SLC26A5: variants seen among roughly 807,000 people sequenced by gnomAD.
The protein encoded by SLC26A5 is solute carrier family 26 member 5, also known as prestin.
In SLC26A5, 51 loss-of-function variants were observed where a neutral mutation model predicts 81.0. The ratio of observed to expected loss-of-function variants is 0.63; its 90% confidence interval spans 0.50 to 0.80. SLC26A5 has a LOEUF of 0.80. Ranked by LOEUF, SLC26A5 falls within the 30% of genes least tolerant of loss-of-function variation. The pLI is 0.00. For missense variants in SLC26A5, 771 were observed against 905.8 expected (o/e 0.85, Z 1.91); for synonymous variants, 325 against 332.8 (o/e 0.98, Z 0.25).
intron 19 of SLC26A5, chr7:103,366,176 C>G (rs760231306): frequency 2.5e-6 from 4 of 1,586,462 alleles, no homozygotes; most frequent in East Asian, 4.5e-5. Context: ...GAGAATGATA[C>G]GTTAGAGAAC....
chr7:103,421,293 T>C, intron 3 of SLC26A5, 70 bp downstream of exon 3: 1 of 1,540,338 alleles, frequency 6.5e-7, no homozygotes, highest in Non-Finnish European at 8.9e-7. Context: ...AGATTTTCTT[T>C]ACACATTTGA....
At chr7:103,364,451 C>T (rs1013171802) in intron 19 of SLC26A5, 1 of 890,700 alleles carries the variant, frequency 1.1e-6, no homozygotes, top group Non-Finnish European at 1.7e-6. Context: ...TTGTGTTGCC[C>T]AGGCTGGAGT....
intron 8 of SLC26A5, among the ~76,000 whole-genome samples, chr7:103,398,759 C>T (rs915066614): frequency 6.6e-6 from 1 of 152,058 alleles, no homozygotes; most frequent in African/African-American, 2.4e-5. Flanking sequence ...TAGAGCTGGC[C>T]AGGGAAGGAA....
chr7:103,393,161 T>C (rs1164904780), intron 9 of SLC26A5, 95 bp from the exon 10 acceptor site: 3 of 1,450,032 alleles, frequency 2.1e-6, no homozygotes, highest in Non-Finnish European at 1.9e-6. Context: ...GGGGGCATTA[T>C]CTGCAAATGA....
At position 103,374,597 on chromosome 7, in the gene SLC26A5, TA is replaced by T. The variant is rs754319291; in HGVS notation, c.2042-6del. On this transcript the variant is annotated splice_polypyrimidine_tract_variant and splice_region_variant and intron_variant, in intron 19 of 19. Coordinates refer to ENST00000306312, the MANE Select transcript of SLC26A5 (RefSeq NM_198999.3). Reference sequence around the variant, plus strand: ...TGAGGTCATTCACAACTTGTGCTATTAAAAGAAGAAAAGAAAATTAGTCCAC... The same window carrying T: ...TGAGGTCATTCACAACTTGTGCTATTAAAGAAGAAAAGAAAATTAGTCCAC... 6.2e-7 allele frequency: 1 copy of T among 1,613,336 alleles called. No homozygotes were observed. The highest frequency in any genetic ancestry group is 1.1e-5 in the South Asian group (1 of 91,016).
chr7:103,379,206 T>C, intron 16 of SLC26A5, 37 bp downstream of exon 16: 1 of 1,452,008 alleles, frequency 6.9e-7, no homozygotes, highest in Non-Finnish European at 9.7e-7. Flanking sequence ...AACCCACAAA[T>C]CCCATCCTCA....
At chr7:103,369,546 C>A (rs1406110406), downstream of SLC26A5, among the ~76,000 whole-genome samples, 1 of 152,210 alleles carries the variant, frequency 6.6e-6, no homozygotes, top group East Asian at 1.9e-4. Context: ...TAATCGGCCA[C>A]ACATCAAATG....
rs56373660 is a variant in SLC26A5 at position 103,389,473 on chromosome 7, G to A, written c.1312-49C>T. 0.083 allele frequency: 112,515 copies of A among 1,361,026 alleles called. 5,155 individuals are homozygous for A. Among genetic ancestry groups the A allele is most frequent in the Admixed American group, 0.16 (9,583 of 59,366 alleles). The allele number at this position is 1,361,026 out of a possible 1,614,324, so 84.3% of individuals were successfully genotyped here. A position where few individuals can be genotyped will look rare whatever the true frequency, so the allele number is the denominator to read the frequency against. On this transcript the variant is annotated intron_variant, in intron 12 of 19. Transcript: ENST00000306312. Reference sequence around the variant, plus strand: ...GCCTCTCCTCTTGTGTCCACAGAGTGTCCTTTGCTGGTTCCTCACTGTCCT... The same window carrying A: ...GCCTCTCCTCTTGTGTCCACAGAGTATCCTTTGCTGGTTCCTCACTGTCCT...
intron 2 of SLC26A5, among the ~76,000 whole-genome samples, chr7:103,441,107 G>A (rs570402994): frequency 9.1e-4 from 138 of 152,292 alleles, no homozygotes; most frequent in African/African-American, 3.0e-3. Context: ...GCAGAGATAA[G>A]ACTAATCGAG....
At position 103,392,904 on chromosome 7, in the gene SLC26A5, A is replaced by C. The variant is rs773175772; in HGVS notation, c.1119+15T>G. The C allele has an allele frequency of 1.9e-6, 3 of 1,613,820 alleles. No homozygotes were observed. The African/African-American group carries it at 4.0e-5, about 22-fold the overall frequency. On this transcript the variant is annotated intron_variant, in intron 10 of 19. Transcript: ENST00000306312. Reference sequence around the variant, plus strand: ...TACTGCTATGAAACATGTGCAGGAAACTGATTATCTTTACCTGATTGCCGT... The same window carrying C: ...TACTGCTATGAAACATGTGCAGGAACCTGATTATCTTTACCTGATTGCCGT...
At chr7:103,352,970 A>C in intron 19 of SLC26A5, 1 of 780,500 alleles carries the variant, frequency 1.3e-6, no homozygotes. Flanking sequence ...TTGTGAACTT[A>C]AATTTTTTAC....
At chr7:103,361,000 G>C (rs1820357216) in intron 19 of SLC26A5, among the ~76,000 whole-genome samples, 1 of 152,084 alleles carries the variant, frequency 6.6e-6, no homozygotes. Flanking sequence ...TGTAATGCCA[G>C]CTACTTGGGA....
At chr7:103,376,944 T>C (rs1294287334) in intron 18 of SLC26A5, 82 bp from the exon 19 acceptor site, 9 of 917,772 alleles carry the variant, frequency 9.8e-6, no homozygotes, top group African/African-American at 1.6e-5. Flanking sequence ...TTTTTCGTGA[T>C]AGAAGACACT....
At chr7:103,407,143 A>C (rs1586307294) in intron 8 of SLC26A5, among the ~76,000 whole-genome samples, 2 of 152,340 alleles carry the variant, frequency 1.3e-5, no homozygotes, top group African/African-American at 4.8e-5. Flanking sequence ...CAATAATGCC[A>C]TATCTTTGCA....
At chr7:103,372,730 C>T (rs1388673403), downstream of SLC26A5, among the ~76,000 whole-genome samples, 1 of 152,110 alleles carries the variant, frequency 6.6e-6, no homozygotes, top group Non-Finnish European at 1.5e-5. Flanking sequence ...TTTAATGCTA[C>T]TTCATGATTA....
intron 2 of SLC26A5, among the ~76,000 whole-genome samples, chr7:103,430,635 C>T (rs1826012733): frequency 1.1e-5 from 1 of 92,566 alleles, no homozygotes; most frequent in Non-Finnish European, 1.9e-5. Context: ...AAGTGGCTCT[C>T]AAATAATGGA....
chr7:103,439,528 G>GTTGTTTGT (rs1554351272), intron 2 of SLC26A5, among the ~76,000 whole-genome samples: 2 of 148,404 alleles, frequency 1.3e-5, no homozygotes, highest in East Asian at 2.0e-4. Flanking sequence ...GTCTGTTGTT[G>GTTGTTTGT]TTGTTTGTTT....
At position 103,411,328 on chromosome 7, in the gene SLC26A5, T is replaced by C. The variant is rs563079462; in HGVS notation, c.570+92A>G. 5.0e-5 allele frequency: 74 copies of C among 1,484,004 alleles called. 2 individuals are homozygous for C. In the Middle Eastern group the frequency reaches 7.0e-4, roughly 14 times the overall value. The allele number at this position is 1,484,004 out of a possible 1,614,324, so 91.9% of individuals were successfully genotyped here. On this transcript the variant is annotated intron_variant, in intron 6 of 19. Transcript: ENST00000306312. The stretch of plus-strand genomic sequence containing the variant: ...TCTGGGGTTTTTCTGGCTGACCCCA[T>C]CCACCGTGTAGTAAGACCAGCCAAG...
intron 17 of SLC26A5, 121 bp from the exon 18 acceptor site, chr7:103,377,920 T>A (rs1821479871): frequency 2.2e-6 from 2 of 890,514 alleles, no homozygotes; most frequent in African/African-American, 3.3e-5. Flanking sequence ...ACCAGACCCC[T>A]TGTAAAATAT....
Sources: gnomAD v4.1 joint callset for allele counts (sites outside exome capture counted in the v4.1 genomes callset) on GRCh38, gnomAD v4.1.1 for gene constraint, MANE v1.5 for transcripts, NCBI Gene and HGNC (gene_info 2026-07-23, HGNC 2026-07-21) for gene names.